The following CUL5 variants were observed in gnomAD, a reference collection of about 807,000 sequenced individuals.
CUL5 encodes the protein cullin 5, also known as cullin-5.
A neutral mutation model predicts 108.8 loss-of-function variants in CUL5; 26 were observed. That is an observed-to-expected ratio of 0.24 (90% CI 0.18 to 0.33). CUL5 has a LOEUF of 0.33. Among genes scored for constraint, CUL5 ranks in the 10% least tolerant of loss-of-function variants. The pLI is 1.00. For missense variants in CUL5, 524 were observed against 909.2 expected, an observed-to-expected ratio of 0.58 and a Z score of 5.45; for synonymous variants, 334 against 298.0, an observed-to-expected ratio of 1.12 and a Z score of -1.25.
At chr11:108,090,504 T>C (rs1447482505) in intron 13 of CUL5, among the ~76,000 whole-genome samples, 5 of 151,786 alleles carry the variant, frequency 3.3e-5, no homozygotes, top group African/African-American at 1.2e-4. Context: ...AAAAATAAAA[T>C]AAATAAATAG....
At chr11:108,067,006 A>C (rs181717468) in intron 7 of CUL5, among the ~76,000 whole-genome samples, 1 of 152,236 alleles carries the variant, frequency 6.6e-6, no homozygotes, top group Non-Finnish European at 1.5e-5. Context: ...AAGTATGTAC[A>C]TGCTCTACTT....
chr11:108,055,765 G>A (rs778440988), intron 7 of CUL5, among the ~76,000 whole-genome samples: 1 of 152,062 alleles, frequency 6.6e-6, no homozygotes, highest in African/African-American at 2.4e-5. Context: ...CAAGTAGCTG[G>A]GACTACAAGC....
chr11:108,023,707 CA>C (rs1401947282), intron 1 of CUL5, among the ~76,000 whole-genome samples: 4 of 152,188 alleles, frequency 2.6e-5, no homozygotes, highest in African/African-American at 9.7e-5. Flanking sequence ...TAATAAATGA[CA>C]AGCTCCCCAA....
intron 18 of CUL5, among the ~76,000 whole-genome samples, chr11:108,098,773 G>T (rs1864565285): frequency 6.6e-6 from 1 of 151,510 alleles, no homozygotes; most frequent in Non-Finnish European, 1.5e-5. Flanking sequence ...ATGAATTCCA[G>T]TTTCATATTC....
At chr11:108,052,598 T>C in intron 4 of CUL5, 62 bp from the exon 5 acceptor site, 1 of 1,459,212 alleles carries the variant, frequency 6.9e-7, no homozygotes, top group Non-Finnish European at 9.4e-7. Flanking sequence ...TTGGTGTTTG[T>C]ACATGATACT....
chr11:108,048,648 CTTTTTTTTTTTTTTTTTTTTTTT>C (rs200991204), intron 3 of CUL5, among the ~76,000 whole-genome samples: 33 of 116,856 alleles, frequency 2.8e-4, no homozygotes, highest in Non-Finnish European at 3.1e-4. Flanking sequence ...ACTCCACCAC[CTTTTTTTTTTTTTTTTTTTTTTT>C]TTTTTTTTTT....
chr11:108,091,763 G>A (rs766464623), intron 13 of CUL5, among the ~76,000 whole-genome samples: 4 of 149,428 alleles, frequency 2.7e-5, no homozygotes, highest in East Asian at 2.0e-4. Context: ...CAAAGGATTC[G>A]AATTGACATC....
intron 4 of CUL5, among the ~76,000 whole-genome samples, chr11:108,052,232 A>G (rs1863245595): frequency 6.6e-6 from 1 of 152,136 alleles, no homozygotes; most frequent in South Asian, 2.1e-4. Flanking sequence ...TGGCCTCCCA[A>G]GGTTTTGGGA....
At chr11:108,035,226 C>T (rs1264089096) in intron 2 of CUL5, among the ~76,000 whole-genome samples, 1 of 152,126 alleles carries the variant, frequency 6.6e-6, no homozygotes, top group Non-Finnish European at 1.5e-5. Flanking sequence ...TGATGTGCCC[C>T]CTCCCAACTA....
intron 2 of CUL5, among the ~76,000 whole-genome samples, chr11:108,035,752 C>CAA (rs530414592): frequency 8.0e-6 from 1 of 125,056 alleles, no homozygotes. Context: ...GACCTTGTCT[C>CAA]AAAAAAAAAA....
chr11:108,032,577 T>C (rs974205514), intron 1 of CUL5, among the ~76,000 whole-genome samples: 6 of 151,856 alleles, frequency 4.0e-5, no homozygotes, highest in African/African-American at 1.5e-4. Flanking sequence ...CTAACACATA[T>C]GGGGTCTCTC....
intron 2 of CUL5, among the ~76,000 whole-genome samples, chr11:108,037,947 T>C (rs1440928941): frequency 1.3e-5 from 2 of 152,234 alleles, no homozygotes; most frequent in Non-Finnish European, 2.9e-5. Context: ...CAATGAATTA[T>C]AGATGTATAA....
At chr11:108,042,833 G>A (rs966744546) in intron 2 of CUL5, among the ~76,000 whole-genome samples, 6 of 151,788 alleles carry the variant, frequency 4.0e-5, no homozygotes, top group African/African-American at 9.7e-5. Context: ...TGCAGTCTTC[G>A]CTCACTGCAA....
At chr11:108,050,514 G>A (rs1434989957) in intron 4 of CUL5, among the ~76,000 whole-genome samples, 3 of 151,844 alleles carry the variant, frequency 2.0e-5, no homozygotes, top group Non-Finnish European at 4.4e-5. Flanking sequence ...CTACAGGCAC[G>A]TGCTACCACA....
intron 1 of CUL5, among the ~76,000 whole-genome samples, chr11:108,028,976 T>A (rs771618885): frequency 6.6e-6 from 1 of 152,242 alleles, no homozygotes; most frequent in Non-Finnish European, 1.5e-5. Context: ...GCTAAGTTAC[T>A]TCTATGACCT....
At chr11:108,100,275 G>T (rs530841497) in intron 18 of CUL5, among the ~76,000 whole-genome samples, 1 of 152,160 alleles carries the variant, frequency 6.6e-6, no homozygotes, top group East Asian at 1.9e-4. Flanking sequence ...CGGCGCGGTG[G>T]CTCACACCTG....
chr11:108,041,465 C>T (rs1383450801), intron 2 of CUL5, among the ~76,000 whole-genome samples: 4 of 150,662 alleles, frequency 2.7e-5, no homozygotes, highest in Non-Finnish European at 4.4e-5. Flanking sequence ...TTGGTAGAGA[C>T]GGGGTTTCAC....
chr11:108,063,237 C>T (rs1863588165), intron 7 of CUL5, among the ~76,000 whole-genome samples: 1 of 152,200 alleles, frequency 6.6e-6, no homozygotes, highest in African/African-American at 2.4e-5. Flanking sequence ...ATCCTTTACT[C>T]TCTATTTCCA....
chr11:108,021,309 G>A (rs796931358), intron 1 of CUL5, among the ~76,000 whole-genome samples: 12 of 152,218 alleles, frequency 7.9e-5, no homozygotes, highest in African/African-American at 2.9e-4. Context: ...AATGTTATGG[G>A]CGTGTAAAAG....
Sources: gnomAD v4.1 joint callset for allele counts (sites outside exome capture counted in the v4.1 genomes callset) on GRCh38, gnomAD v4.1.1 for gene constraint, MANE v1.5 for transcripts, NCBI Gene and HGNC (gene_info 2026-07-23, HGNC 2026-07-21) for gene names.